The following UGT1A4 variants were observed in gnomAD, a reference collection of about 807,000 sequenced individuals.
The protein encoded by UGT1A4 is UDP glucuronosyltransferase family 1 member A4.
Under a neutral mutation model 41.1 loss-of-function variants are expected in UGT1A4, and 32 were observed. The ratio of observed to expected loss-of-function variants is 0.78; its 90% CI spans 0.59 to 1.05. The LOEUF (loss-of-function observed/expected upper bound fraction) is 1.05, where lower values mean the gene tolerates loss of function less well. Ranked by LOEUF, UGT1A4 falls within the 50% of genes least tolerant of loss-of-function variation. The pLI, the probability that UGT1A4 is intolerant of heterozygous loss-of-function variation, is 0.00. For missense variants in UGT1A4, 748 were observed against 677.4 expected (o/e 1.10, Z -1.16); for synonymous variants, 283 against 265.1 (o/e 1.07, Z -0.66).
At chr2:233,726,664 T>G (rs2077549930) in intron 1 of UGT1A4, among the ~76,000 whole-genome samples, 1 of 152,168 alleles carries the variant, frequency 6.6e-6, no homozygotes, top group South Asian at 2.1e-4. Flanking sequence ...TTTAATCATA[T>G]CTGTGAAGTC....
At chr2:233,742,513 G>A (rs934347498) in intron 1 of UGT1A4, among the ~76,000 whole-genome samples, 9 of 151,822 alleles carry the variant, frequency 5.9e-5, no homozygotes, top group Non-Finnish European at 1.2e-4. Flanking sequence ...TCATGAACAC[G>A]TCACAGTGCT....
At chr2:233,741,132 C>G (rs1370599110) in intron 1 of UGT1A4, among the ~76,000 whole-genome samples, 1 of 151,794 alleles carries the variant, frequency 6.6e-6, no homozygotes, top group Admixed American at 6.6e-5. Flanking sequence ...AAAAGCAACA[C>G]TTTCCATTTA....
chr2:233,762,781 ATCTAC>A (rs1211615114), intron 1 of UGT1A4, among the ~76,000 whole-genome samples: 2 of 150,458 alleles, frequency 1.3e-5, no homozygotes, highest in African/African-American at 4.9e-5. Flanking sequence ...CTAGCTGATT[ATCTAC>A]TCATTACTCA....
chr2:233,758,000 G>A (rs956611939), intron 1 of UGT1A4, among the ~76,000 whole-genome samples: 37 of 152,052 alleles, frequency 2.4e-4, no homozygotes, highest in Admixed American at 5.2e-4. Context: ...GTAATTGCCT[G>A]GTCATGAGTT....
intron 3 of UGT1A4, 53 bp from the exon 4 acceptor site, chr2:233,768,167 G>T: frequency 5.6e-6 from 9 of 1,613,612 alleles, no homozygotes; most frequent in Non-Finnish European, 7.6e-6. Context: ...GATGTGTCCA[G>T]CTGTGAAACT....
intron 1 of UGT1A4, among the ~76,000 whole-genome samples, chr2:233,723,397 A>G (rs1363252686): frequency 3.9e-5 from 5 of 128,818 alleles, no homozygotes; most frequent in Non-Finnish European, 7.9e-5. Context: ...TTTAGTAGAG[A>G]TGGGGTTTCA....
At chr2:233,757,535 A>AATATATATACATATACATATACATATAT (rs376887521) in intron 1 of UGT1A4, among the ~76,000 whole-genome samples, 12 of 88,284 alleles carry the variant, frequency 1.4e-4, no homozygotes, top group Non-Finnish European at 1.5e-4. Flanking sequence ...GCCTGTAAGG[A>AATATATATACATATACATATACATATAT]ATATATATAT....
At chr2:233,765,532 C>T (rs769087620) in intron 1 of UGT1A4, among the ~76,000 whole-genome samples, 15 of 152,064 alleles carry the variant, frequency 9.9e-5, no homozygotes, top group Non-Finnish European at 2.1e-4. Context: ...CGCATGTTCT[C>T]ACTCATAAGT....
At chr2:233,738,209 A>G (rs1479952122) in intron 1 of UGT1A4, among the ~76,000 whole-genome samples, 2 of 152,090 alleles carry the variant, frequency 1.3e-5, no homozygotes, top group Admixed American at 6.5e-5. Flanking sequence ...ACTTTCTGCC[A>G]GGATTATAAG....
intron 1 of UGT1A4, among the ~76,000 whole-genome samples, chr2:233,727,290 G>A (rs1306281777): frequency 6.6e-6 from 1 of 152,162 alleles, no homozygotes; most frequent in Non-Finnish European, 1.5e-5. Flanking sequence ...GGAAGCTGAT[G>A]ACTTGGGCAG....
At chr2:233,760,437 G>A (rs1351570136) in intron 1 of UGT1A4, 1 of 1,614,104 alleles carries the variant, frequency 6.2e-7, no homozygotes, top group East Asian at 2.2e-5. Flanking sequence ...TCCAGCAGCT[G>A]CAGCAGAGGG....
At chr2:233,771,921 C>T (rs1320163418) in intron 4 of UGT1A4, among the ~76,000 whole-genome samples, 1 of 151,966 alleles carries the variant, frequency 6.6e-6, no homozygotes, top group East Asian at 1.9e-4. Context: ...AGTAACACAG[C>T]CTGGGCAACA....
chr2:233,757,137 G>T (rs1343266624), intron 1 of UGT1A4, among the ~76,000 whole-genome samples: 1 of 151,428 alleles, frequency 6.6e-6, no homozygotes, highest in Non-Finnish European at 1.5e-5. Flanking sequence ...AATGAGCTTG[G>T]ACAGGTGGGC....
chr2:233,724,510 A>G (rs868470469), intron 1 of UGT1A4, among the ~76,000 whole-genome samples: 2,447 of 111,674 alleles, frequency 0.022, 174 homozygotes, highest in African/African-American at 0.087. Context: ...GACGCTCCTC[A>G]CCTCCCAGAT....
intron 4 of UGT1A4, chr2:233,771,362 C>T (rs1186329971): frequency 6.6e-6 from 1 of 152,076 alleles, no homozygotes; most frequent in African/African-American, 2.4e-5. Context: ...GTTGAAGCAC[C>T]TAACCCGTTT....
intron 1 of UGT1A4, among the ~76,000 whole-genome samples, chr2:233,759,225 G>A (rs984421918): frequency 4.6e-5 from 7 of 152,188 alleles, no homozygotes; most frequent in Admixed American, 2.0e-4. Context: ...TTATGCAAAT[G>A]AAGGATGGAA....
chr2:233,768,895 A>G (rs962281870), intron 4 of UGT1A4, among the ~76,000 whole-genome samples: 6 of 152,074 alleles, frequency 3.9e-5, no homozygotes, highest in African/African-American at 1.4e-4. Context: ...GGATTTATAA[A>G]TAAGATAATT....
intron 1 of UGT1A4, among the ~76,000 whole-genome samples, chr2:233,746,573 G>A (rs1403247476): frequency 6.6e-6 from 1 of 151,756 alleles, no homozygotes; most frequent in Admixed American, 6.5e-5. Flanking sequence ...ACCACACCCT[G>A]TAATTGCCTA....
intron 1 of UGT1A4, chr2:233,721,450 G>C (rs970104665): frequency 6.0e-6 from 1 of 165,414 alleles, no homozygotes; most frequent in South Asian, 1.7e-4. Flanking sequence ...GTTATAGTGA[G>C]CACCCAATAA....
Sources: gnomAD v4.1 joint callset for allele counts (sites outside exome capture counted in the v4.1 genomes callset) on GRCh38, gnomAD v4.1.1 for gene constraint, MANE v1.5 for transcripts, NCBI Gene and HGNC (gene_info 2026-07-23, HGNC 2026-07-21) for gene names.